IPPK: variants seen among roughly 807,000 people sequenced by gnomAD.
IPPK encodes inositol-pentakisphosphate 2-kinase.
In IPPK, 22 loss-of-function variants were observed where a neutral mutation model predicts 64.6. The observed-to-expected ratio is 0.34, with a 90% confidence interval of 0.24 to 0.49. The LOEUF is 0.49. Among genes scored for constraint, IPPK ranks in the 20% least tolerant of loss-of-function variants. The pLI is 0.99. For missense variants in IPPK, 532 were observed against 630.7 expected, an observed-to-expected ratio of 0.84 and a Z score of 1.68; for synonymous variants, 262 against 247.2, an observed-to-expected ratio of 1.06 and a Z score of -0.56.
intron 1 of IPPK, among the ~76,000 whole-genome samples, chr9:92,667,954 A>G (rs1257106957): frequency 6.6e-6 from 1 of 151,844 alleles, no homozygotes; most frequent in Non-Finnish European, 1.5e-5. Context: ...GGCTGTAGGT[A>G]AATTTGAAAA....
At chr9:92,626,773 T>C (rs185949568) in intron 11 of IPPK, among the ~76,000 whole-genome samples, 4 of 152,102 alleles carry the variant, frequency 2.6e-5, no homozygotes, top group Non-Finnish European at 5.9e-5. Context: ...TGCACTAAAA[T>C]GTCAAAAGGA....
chr9:92,658,107 T>A (rs1852409105), intron 2 of IPPK, among the ~76,000 whole-genome samples: 1 of 152,024 alleles, frequency 6.6e-6, no homozygotes. Flanking sequence ...CCAACAGAGA[T>A]TTGCACAGAA....
At chr9:92,658,367 C>T (rs1852414714) in intron 2 of IPPK, among the ~76,000 whole-genome samples, 1 of 152,236 alleles carries the variant, frequency 6.6e-6, no homozygotes, top group African/African-American at 2.4e-5. Flanking sequence ...GTCCTCGCCA[C>T]AAGCAGGGCC....
rs1316394159 is a variant in IPPK, at chr9:92,669,944, T to C, written c.45A>G (p.Gly15=). The C allele has an allele frequency of 6.2e-7, 1 of 1,613,218 alleles. No individual in the cohort carries two copies. The highest frequency in any genetic ancestry group is 8.5e-7 in the Non-Finnish European group (1 of 1,179,618). ...CCACCACCAGGCTCTTATTGCCCTCTCCGTGGTACCCCCATTCATTCTCGT... is the reference window on the plus strand; with the variant it reads ...CCACCACCAGGCTCTTATTGCCCTCCCCGTGGTACCCCCATTCATTCTCGT... ...KMDENEWGYH[G]EGNKSLVVAH... The change falls in exon 1 of 13, where the codon GGA becomes GGG. Residue 15 remains glycine, a synonymous_variant. Transcript: ENST00000287996.
At chr9:92,621,216 G>A (rs1308718244) in intron 11 of IPPK, among the ~76,000 whole-genome samples, 1 of 150,750 alleles carries the variant, frequency 6.6e-6, no homozygotes, top group African/African-American at 2.4e-5. Flanking sequence ...ATATAAATTT[G>A]GGGGGGTGGG....
At chr9:92,662,372 C>T (rs1222601060) in intron 1 of IPPK, among the ~76,000 whole-genome samples, 1 of 151,968 alleles carries the variant, frequency 6.6e-6, no homozygotes, top group Non-Finnish European at 1.5e-5. Context: ...CTAAAAAACA[C>T]AAAATTAGCC....
intron 11 of IPPK, among the ~76,000 whole-genome samples, chr9:92,624,535 TGGGA>T (rs1283916299): frequency 6.6e-6 from 1 of 150,708 alleles, no homozygotes; most frequent in Non-Finnish European, 1.5e-5. Flanking sequence ...GAGGCTGAGG[TGGGA>T]GGATCACCTA....
intron 3 of IPPK, among the ~76,000 whole-genome samples, chr9:92,656,146 G>A (rs76721701): frequency 0.01 from 1,527 of 152,306 alleles, 30 homozygotes; most frequent in African/African-American, 0.035. Flanking sequence ...CCCAGGGGCA[G>A]AGAGCAATGC....
chr9:92,616,036 G>A lies in IPPK; in HGVS notation c.1272C>T (p.Val424=). ...AGGCAAACCTGGACCTCGATGAAGG[G>A]ACGACAGGCCTTTGATCAGAGCTGC... ...QDASSDQRPV[V]PSSRSRFAFS... Residue 424 remains valine (V), a synonymous_variant, in exon 13 of 13, where the codon GTC becomes GTT. Transcript: ENST00000287996. The A allele has an allele frequency of 6.2e-7, 1 of 1,614,002 alleles. No individual in the cohort carries two copies. The highest frequency in any genetic ancestry group is 1.1e-5 in the South Asian group (1 of 91,042).
chr9:92,630,656 A>G (rs1363551617), intron 11 of IPPK, among the ~76,000 whole-genome samples: 2 of 152,082 alleles, frequency 1.3e-5, no homozygotes, highest in African/African-American at 4.8e-5. Flanking sequence ...GTGTAAAATA[A>G]TACTCTAAAT....
intron 12 of IPPK, chr9:92,616,273 G>A (rs749602085): frequency 1.1e-4 from 55 of 503,286 alleles, no homozygotes; most frequent in Middle Eastern, 4.6e-4. Context: ...TGATCTGTGC[G>A]TGTGACAGCT....
intron 4 of IPPK, among the ~76,000 whole-genome samples, chr9:92,652,231 C>T (rs1004286461): frequency 2.2e-4 from 34 of 151,890 alleles, no homozygotes; most frequent in Non-Finnish European, 4.3e-4. Context: ...GGGTGGATCA[C>T]GAGGTCAGGA....
At chr9:92,645,604 A>G (rs773693352) in intron 6 of IPPK, among the ~76,000 whole-genome samples, 4 of 152,076 alleles carry the variant, frequency 2.6e-5, no homozygotes, top group Admixed American at 6.5e-5. Context: ...AAGCAAAAAG[A>G]GAGAAGTGGC....
intron 11 of IPPK, among the ~76,000 whole-genome samples, chr9:92,623,131 C>T (rs1259036678): frequency 1.3e-5 from 2 of 152,014 alleles, no homozygotes; most frequent in Non-Finnish European, 2.9e-5. Context: ...CTTATAAGGA[C>T]TCCATTAAGA....
At chr9:92,639,112 A>C (rs1429837089) in intron 8 of IPPK, among the ~76,000 whole-genome samples, 2 of 152,190 alleles carry the variant, frequency 1.3e-5, no homozygotes, top group African/African-American at 4.8e-5. Flanking sequence ...GCAGTGGAGC[A>C]ATCAAAGCTC....
At chr9:92,648,009 G>T in intron 6 of IPPK, 50 bp downstream of exon 6, 1 of 1,320,250 alleles carries the variant, frequency 7.6e-7, no homozygotes, top group Non-Finnish European at 1.1e-6. Flanking sequence ...CCTCAGCCCA[G>T]ATCCCCAGCG....
At chr9:92,634,119 T>C (rs1022893175) in intron 11 of IPPK, among the ~76,000 whole-genome samples, 3 of 152,270 alleles carry the variant, frequency 2.0e-5, no homozygotes, top group Admixed American at 6.5e-5. Flanking sequence ...TGCAGATGGG[T>C]TGCAGATCGG....
rs968013269 is a variant in IPPK at position 92,670,101 on chromosome 9, G to A, written c.-113C>T. 18 of 658,482 alleles carry A rather than the reference G, an allele frequency of 2.7e-5. No homozygotes were observed. Among genetic ancestry groups the A allele is most frequent in the African/African-American group, 2.3e-4 (12 of 51,568 alleles). 40.8% of individuals were successfully genotyped at this position (658,482 alleles called of 1,614,324 possible). ...GTCGGGGGAGGAGCGCCTGTCAGCTGCCGCCCCCGCTCGACCCCGCCGCGG... is the reference window on the plus strand; with the variant it reads ...GTCGGGGGAGGAGCGCCTGTCAGCTACCGCCCCCGCTCGACCCCGCCGCGG... On this transcript the variant is annotated 5_prime_UTR_variant, in exon 1 of 13. Coordinates refer to ENST00000287996, the MANE Select transcript of IPPK (RefSeq NM_022755.6).
At chr9:92,616,388 T>C (rs1851436676) in intron 12 of IPPK, 1 of 226,642 alleles carries the variant, frequency 4.4e-6, no homozygotes, top group African/African-American at 2.3e-5. Flanking sequence ...GAAAAGTAAT[T>C]ATGTGGAACA....
Sources: gnomAD v4.1 joint callset for allele counts (sites outside exome capture counted in the v4.1 genomes callset) on GRCh38, gnomAD v4.1.1 for gene constraint, MANE v1.5 for transcripts, NCBI Gene and HGNC (gene_info 2026-07-23, HGNC 2026-07-21) for gene names.